The following CLTC variants were observed in gnomAD, a reference collection of about 807,000 sequenced individuals.
CLTC encodes the protein clathrin heavy chain.
In CLTC, 16 loss-of-function variants were observed where a neutral mutation model predicts 195.8. The observed-to-expected ratio is 0.08, with a 90% CI of 0.06 to 0.12. CLTC has a LOEUF of 0.12. Ranked by LOEUF, CLTC falls within the 10% of genes least tolerant of loss-of-function variation. The pLI, the probability that CLTC is intolerant of heterozygous loss-of-function variation, is 1.00. For synonymous variants in CLTC, 667 were observed against 689.4 expected (o/e 0.97, Z 0.51); for missense variants, 796 against 2,027.0 (o/e 0.39, Z 11.66).
intron 1 of CLTC, among the ~76,000 whole-genome samples, chr17:59,640,891 C>A (rs371252995): frequency 6.6e-6 from 1 of 151,798 alleles, no homozygotes; most frequent in Admixed American, 6.6e-5. Flanking sequence ...GAGGCCAAGG[C>A]GGACGGAACA....
chr17:59,674,686 T>G lies in CLTC; in HGVS notation c.2419-15T>G. On this transcript the variant is annotated splice_polypyrimidine_tract_variant and intron_variant, in intron 15 of 31. Coordinates refer to ENST00000269122, the MANE Select transcript of CLTC (RefSeq NM_004859.4). ...AATAACATAATAACATTCTTCTACTTCTTTTTAACCACAGGTGAATCCAAG... is the reference window on the plus strand; with the variant it reads ...AATAACATAATAACATTCTTCTACTGCTTTTTAACCACAGGTGAATCCAAG... 6.2e-7 allele frequency: 1 copy of G among 1,600,860 alleles called. No individual in the cohort carries two copies. Among genetic ancestry groups the G allele is most frequent in the Non-Finnish European group, 8.5e-7 (1 of 1,174,158 alleles).
intron 5 of CLTC, among the ~76,000 whole-genome samples, chr17:59,654,044 A>G (rs190121000): frequency 2.0e-5 from 3 of 151,850 alleles, no homozygotes; most frequent in African/African-American, 7.3e-5. Context: ...AAGTGCTGGG[A>G]TCACAGGCGT....
At chr17:59,620,960 A>T (rs2031357758) in intron 1 of CLTC, among the ~76,000 whole-genome samples, 1 of 151,880 alleles carries the variant, frequency 6.6e-6, no homozygotes, top group Non-Finnish European at 1.5e-5. Flanking sequence ...AGTGATACAG[A>T]GGTTATCTTT....
At chr17:59,652,616 C>CT (rs370929446) in intron 5 of CLTC, among the ~76,000 whole-genome samples, 8 of 151,458 alleles carry the variant, frequency 5.3e-5, no homozygotes, top group South Asian at 2.1e-4. Context: ...TGAAAGGAAT[C>CT]TTTTTTTTTC....
At position 59,682,162 on chromosome 17, in the gene CLTC, A is replaced by G; in HGVS notation, c.3443-109A>G. On this transcript the variant is annotated intron_variant, in intron 21 of 31. Transcript: ENST00000269122. This position sits in a 1 kb window ranked among gnomAD's most constrained non-coding sequence, Gnocchi z 6.8. Reference sequence around the variant, plus strand: ...AAATATTGCACGGTTTACATTTGTCATTATCCATGTTTCCTTGAAAAGGAA... The same window carrying G: ...AAATATTGCACGGTTTACATTTGTCGTTATCCATGTTTCCTTGAAAAGGAA... 1 of 1,024,232 alleles carries G rather than the reference A, an allele frequency of 9.8e-7. No homozygotes were observed. The highest frequency in any genetic ancestry group is 1.4e-6 in the Non-Finnish European group (1 of 695,188). 63.4% of individuals were successfully genotyped at this position (1,024,232 alleles called of 1,614,324 possible).
chr17:59,636,059 G>A (rs1212964462), intron 1 of CLTC, among the ~76,000 whole-genome samples: 1 of 152,050 alleles, frequency 6.6e-6, no homozygotes, highest in Non-Finnish European at 1.5e-5. Flanking sequence ...GCTTGAACCC[G>A]GGAGGTGGAG....
chr17:59,680,865 A>G, intron 18 of CLTC, 47 bp from the exon 19 acceptor site: 1 of 1,487,910 alleles, frequency 6.7e-7, no homozygotes, highest in Non-Finnish European at 9.0e-7. Flanking sequence ...ACGCTTTTTT[A>G]AAACCAACTT....
intron 1 of CLTC, among the ~76,000 whole-genome samples, chr17:59,627,189 C>T (rs1248827705): frequency 6.6e-6 from 1 of 152,198 alleles, no homozygotes; most frequent in Non-Finnish European, 1.5e-5. Flanking sequence ...GTGTGAGACA[C>T]CAAGCCTTGT....
chr17:59,688,397 G>A (rs147675366), intron 30 of CLTC, among the ~76,000 whole-genome samples: 2 of 152,270 alleles, frequency 1.3e-5, no homozygotes, highest in African/African-American at 4.8e-5. Flanking sequence ...ATTTTCAGTA[G>A]TACAGATGGA....
At position 59,620,289 on chromosome 17, in the gene CLTC, A is replaced by G. The variant is rs1373841269; in HGVS notation, c.42+116A>G. Reference sequence around the variant, plus strand: ...TGGAGGGGCGGGGGGGTTGTCGGTGATTGGGGTAGGTGGAGGAGGGGGCAC... The same window carrying G: ...TGGAGGGGCGGGGGGGTTGTCGGTGGTTGGGGTAGGTGGAGGAGGGGGCAC... On this transcript the variant is annotated intron_variant, in intron 1 of 31. Coordinates refer to ENST00000269122, the MANE Select transcript of CLTC (RefSeq NM_004859.4). 1.6e-5 allele frequency: 16 copies of G among 996,556 alleles called. No individual in the cohort carries two copies. The East Asian group carries it at 3.2e-4, about 20-fold the overall frequency. 61.7% of individuals were successfully genotyped at this position (996,556 alleles called of 1,614,324 possible).
chr17:59,652,884 CTGT>C (rs1335759954), intron 5 of CLTC, among the ~76,000 whole-genome samples: 5 of 152,204 alleles, frequency 3.3e-5, no homozygotes, highest in African/African-American at 1.2e-4. Flanking sequence ...TAGAGAAAAT[CTGT>C]TGTTTAGTGT....
intron 1 of CLTC, among the ~76,000 whole-genome samples, chr17:59,633,854 A>AG (rs1259843149): frequency 1.3e-5 from 2 of 152,214 alleles, no homozygotes; most frequent in Admixed American, 1.3e-4. Context: ...CCAAGCCTTT[A>AG]ATGTCTCCCT....
chr17:59,655,790 G>T, intron 5 of CLTC, 64 bp from the exon 6 acceptor site: 1 of 1,333,236 alleles, frequency 7.5e-7, no homozygotes, highest in Non-Finnish European at 1.0e-6. Context: ...GAATTAGACT[G>T]AATGTTTTTA....
chr17:59,674,175 G>A (rs990258243), intron 15 of CLTC, among the ~76,000 whole-genome samples: 1 of 152,134 alleles, frequency 6.6e-6, no homozygotes, highest in Non-Finnish European at 1.5e-5. Flanking sequence ...TGCCAAGTGT[G>A]TAAAATATAA....
intron 14 of CLTC, among the ~76,000 whole-genome samples, chr17:59,672,064 G>A (rs1196975967): frequency 6.6e-6 from 1 of 152,036 alleles, no homozygotes; most frequent in Non-Finnish European, 1.5e-5. Context: ...TTTGTTAAAT[G>A]AACAAATTTA....
chr17:59,676,897 G>C (rs933783589), intron 16 of CLTC, 57 bp from the exon 17 acceptor site: 23 of 1,270,238 alleles, frequency 1.8e-5, no homozygotes, highest in Non-Finnish European at 2.6e-5. Context: ...AGCATGTCAA[G>C]AGTGTGTTAT....
chr17:59,629,395 A>C (rs1191773660), intron 1 of CLTC, among the ~76,000 whole-genome samples: 3 of 152,174 alleles, frequency 2.0e-5, no homozygotes, highest in African/African-American at 7.2e-5. Context: ...GTGAGAGACA[A>C]ATTTTACACA....
chr17:59,676,881 A>G, intron 16 of CLTC, 73 bp from the exon 17 acceptor site: 1 of 1,099,516 alleles, frequency 9.1e-7, no homozygotes, highest in South Asian at 1.3e-5. Context: ...AGGTATTTAC[A>G]TAGTTAGCAT....
chr17:59,642,888 G>A (rs1247249868), intron 1 of CLTC, among the ~76,000 whole-genome samples: 1 of 152,136 alleles, frequency 6.6e-6, no homozygotes, highest in Non-Finnish European at 1.5e-5. Context: ...AGAGTGAAGA[G>A]AAAGTAAAAT....
Sources: gnomAD v4.1 joint callset for allele counts (sites outside exome capture counted in the v4.1 genomes callset) on GRCh38, gnomAD v4.1.1 for gene constraint, Gnocchi (gnomAD v3.1) non-coding constraint, MANE v1.5 for transcripts, NCBI Gene and HGNC (gene_info 2026-07-23, HGNC 2026-07-21) for gene names.